Variants in CELF1 observed in about 807,000 individuals in gnomAD.
CELF1 encodes CUGBP Elav-like family member 1, also known as 50 kDa nuclear polyadenylated RNA-binding protein.
A neutral mutation model predicts 61.8 loss-of-function variants in CELF1; 10 were observed. That is an observed-to-expected ratio of 0.16 (90% CI 0.10 to 0.27). The LOEUF (loss-of-function observed/expected upper bound fraction) is 0.27, where lower values mean the gene tolerates loss of function less well. Ranked by LOEUF, CELF1 falls within the 10% of genes least tolerant of loss-of-function variation. The pLI, the probability that CELF1 is intolerant of heterozygous loss-of-function variation, is 1.00. For missense variants in CELF1, 380 were observed against 639.1 expected, an observed-to-expected ratio of 0.59 and a Z score of 4.37; for synonymous variants, 236 against 225.1, an observed-to-expected ratio of 1.05 and a Z score of -0.43.
chr11:47,482,469 A>G, intron 9 of CELF1: 1 of 349,288 alleles, frequency 2.9e-6, no homozygotes. Context: ...CTTTAGTTGC[A>G]GCAAAAGCCT....
chr11:47,505,167 T>C (rs2094379701), intron 1 of CELF1, among the ~76,000 whole-genome samples: 3 of 151,266 alleles, frequency 2.0e-5, no homozygotes, highest in Non-Finnish European at 4.4e-5. Context: ...AGAGCCTTCC[T>C]TGGAGTATCT....
At chr11:47,549,250 T>C (rs964477148) in intron 1 of CELF1, among the ~76,000 whole-genome samples, 4 of 152,212 alleles carry the variant, frequency 2.6e-5, no homozygotes, top group African/African-American at 9.6e-5. Flanking sequence ...TCCAGTGGCC[T>C]AGATTCTTTC....
At chr11:47,553,570 C>G (rs2097190340), upstream of CELF1, among the ~76,000 whole-genome samples, 1 of 152,206 alleles carries the variant, frequency 6.6e-6, no homozygotes, top group Non-Finnish European at 1.5e-5. Flanking sequence ...TGGTGCTTGG[C>G]CAGCGTTGGG....
At chr11:47,525,895 T>C (rs1167289886) in intron 1 of CELF1, among the ~76,000 whole-genome samples, 40 of 148,018 alleles carry the variant, frequency 2.7e-4, no homozygotes, top group Admixed American at 2.6e-3. Flanking sequence ...GCCTGGGCAA[T>C]GTGGCGAGAA....
At chr11:47,519,938 T>TA (rs71042677) in intron 1 of CELF1, among the ~76,000 whole-genome samples, 45,429 of 150,720 alleles carry the variant, frequency 0.3, 7,412 homozygotes, top group Middle Eastern at 0.41. Context: ...AAATCACTCC[T>TA]AAAAAAACTC....
Position 47,501,548 on chromosome 11 carries a change from G to A in CELF1, c.-153-616C>T, listed in dbSNP as rs149505185. 3.8e-3 allele frequency among the ~76,000 whole-genome samples: 572 copies of A among 152,260 alleles called. 4 individuals carry two copies. The highest frequency in any genetic ancestry group is 5.7e-3 in the Non-Finnish European group (387 of 68,018). On this transcript the variant is annotated intron_variant, in intron 1 of 14. Coordinates refer to ENST00000687097, the MANE Select transcript of CELF1 (RefSeq NM_001376376.1). Reference sequence around the variant, plus strand: ...GCAACAACAGCTCATGGTGGCTCACGCCTGTAATCAATCCCAACACTTTTG... The same window carrying A: ...GCAACAACAGCTCATGGTGGCTCACACCTGTAATCAATCCCAACACTTTTG...
intron 1 of CELF1, among the ~76,000 whole-genome samples, chr11:47,545,006 G>A (rs2096896827): frequency 6.6e-6 from 1 of 152,136 alleles, no homozygotes; most frequent in Non-Finnish European, 1.5e-5. Flanking sequence ...GAATAGGCCA[G>A]ACATGGTGGC....
At chr11:47,501,138 G>A (rs1474545856) in intron 1 of CELF1, among the ~76,000 whole-genome samples, 4 of 152,204 alleles carry the variant, frequency 2.6e-5, no homozygotes, top group Admixed American at 6.5e-5. Flanking sequence ...GAACTGTACT[G>A]TAACAGCAGC....
At chr11:47,549,302 C>G (rs1314362100) in intron 1 of CELF1, among the ~76,000 whole-genome samples, 1 of 152,198 alleles carries the variant, frequency 6.6e-6, no homozygotes, top group Admixed American at 6.5e-5. Flanking sequence ...CTTGATCCAG[C>G]AATCCCACTT....
chr11:47,510,307 G>A (rs1047799332), intron 1 of CELF1, among the ~76,000 whole-genome samples: 2 of 152,134 alleles, frequency 1.3e-5, no homozygotes, highest in Non-Finnish European at 2.9e-5. Context: ...TATACAGCTT[G>A]TATGCTGAGT....
At position 47,471,939 on chromosome 11, in the gene CELF1, C is replaced by A. The variant is rs937566860; in HGVS notation, c.*291G>T. On this transcript the variant is annotated 3_prime_UTR_variant, in exon 15 of 15. Coordinates refer to ENST00000687097, the MANE Select transcript of CELF1 (RefSeq NM_001376376.1). The stretch of plus-strand genomic sequence containing the variant: ...CAACACACACTGGTTACAAACACAG[C>A]AAACTTTAAATAAAGGAGAAACAAA... 3.4e-6 allele frequency: 1 copy of A among 291,704 alleles called. No homozygotes were observed. Among genetic ancestry groups the A allele is most frequent in the Non-Finnish European group, 6.6e-6 (1 of 150,646 alleles). 18.1% of individuals were successfully genotyped at this position (291,704 alleles called of 1,614,324 possible).
At chr11:47,553,206 G>A (rs936022052), upstream of CELF1, 3 of 389,902 alleles carry the variant, frequency 7.7e-6, no homozygotes, top group Non-Finnish European at 9.1e-6. Flanking sequence ...CGGCGAGGGG[G>A]AACGTATCAC....
chr11:47,517,276 A>C (rs2095611966), intron 1 of CELF1, among the ~76,000 whole-genome samples: 1 of 151,934 alleles, frequency 6.6e-6, no homozygotes, highest in Non-Finnish European at 1.5e-5. Context: ...AAAAAAAAAA[A>C]AAAGACATGC....
At chr11:47,486,890 A>T (rs1276279701) in intron 5 of CELF1, 92 bp from the exon 6 acceptor site, 2 of 1,014,700 alleles carry the variant, frequency 2.0e-6, no homozygotes, top group East Asian at 2.4e-5. Context: ...TAGAGCTTTA[A>T]AGAGTTCTCT....
intron 1 of CELF1, among the ~76,000 whole-genome samples, chr11:47,516,117 T>C (rs1051788483): frequency 2.0e-5 from 3 of 151,266 alleles, no homozygotes; most frequent in Non-Finnish European, 4.4e-5. Context: ...GCAGGAAGAA[T>C]TGCTTGAACC....
intron 1 of CELF1, among the ~76,000 whole-genome samples, chr11:47,548,941 T>C (rs1026138205): frequency 6.7e-6 from 1 of 150,090 alleles, no homozygotes. Context: ...AAAAACTTGA[T>C]TAAAAACTGG....
chr11:47,509,989 G>A (rs1287078181), intron 1 of CELF1, among the ~76,000 whole-genome samples: 1 of 151,868 alleles, frequency 6.6e-6, no homozygotes, highest in Non-Finnish European at 1.5e-5. Flanking sequence ...TTGAACTCGG[G>A]AAGCGGAGGT....
chr11:47,525,382 T>G (rs1451236297), intron 1 of CELF1, among the ~76,000 whole-genome samples: 1 of 152,170 alleles, frequency 6.6e-6, no homozygotes. Context: ...CTGACCAGAG[T>G]GAATTTTCCA....
In CELF1 at chr11:47,509,897, CAAAA is replaced by C. The variant is rs34105209; in HGVS notation, c.-153-8969_-153-8966del. Among the ~76,000 whole-genome samples, 4 of 136,420 alleles carry C rather than the reference CAAAA, an allele frequency of 2.9e-5. No homozygotes were observed. The Admixed American group carries it at 3.0e-4, about 10-fold the overall frequency. The allele number at this position is 136,420 out of a possible 152,430, so 89.5% of individuals were successfully genotyped here. ...CAAAAATTAGCTGGGTGTGGTGTCT[CAAAA>C]AAAAAAAAAAAATGGCCGGACATGG... On this transcript the variant is annotated intron_variant, in intron 1 of 14. Transcript: ENST00000687097.
Sources: gnomAD v4.1 joint callset for allele counts (sites outside exome capture counted in the v4.1 genomes callset) on GRCh38, gnomAD v4.1.1 for gene constraint, MANE v1.5 for transcripts, NCBI Gene and HGNC (gene_info 2026-07-23, HGNC 2026-07-21) for gene names.